The following SLC25A21 variants were observed in gnomAD, a reference collection of about 807,000 sequenced individuals.
The protein encoded by SLC25A21 is mitochondrial 2-oxodicarboxylate carrier.
A neutral mutation model predicts 43.8 loss-of-function variants in SLC25A21; 47 were observed. That is an observed-to-expected ratio of 1.07 (90% CI 0.85 to 1.37). SLC25A21 has a LOEUF of 1.37. Among genes scored for constraint, SLC25A21 ranks in the 40% most tolerant of loss-of-function variants. The pLI, the probability that SLC25A21 is intolerant of heterozygous loss-of-function variation, is 0.00. For missense variants in SLC25A21, 352 were observed against 350.2 expected (o/e 1.00, Z -0.04); for synonymous variants, 131 against 121.3 (o/e 1.08, Z -0.52).
intron 1 of SLC25A21, among the ~76,000 whole-genome samples, chr14:36,876,048 G>C (rs775284904): frequency 3.7e-4 from 57 of 152,258 alleles, no homozygotes; most frequent in Non-Finnish European, 6.2e-4. Context: ...TTTAAGATAA[G>C]AAAACTGAGG....
intron 3 of SLC25A21, among the ~76,000 whole-genome samples, chr14:36,770,197 A>G (rs1056561245): frequency 1.3e-5 from 2 of 152,212 alleles, no homozygotes; most frequent in African/African-American, 4.8e-5. Flanking sequence ...CCATAAAAAG[A>G]GCAAAATCAT....
chr14:36,969,477 C>T (rs1405432583), intron 1 of SLC25A21, among the ~76,000 whole-genome samples: 1 of 152,058 alleles, frequency 6.6e-6, no homozygotes, highest in East Asian at 1.9e-4. Context: ...CTCCTAGAAA[C>T]TCGGTTTTCA....
chr14:37,063,870 A>C (rs1962003925), intron 1 of SLC25A21, among the ~76,000 whole-genome samples: 1 of 152,194 alleles, frequency 6.6e-6, no homozygotes. Context: ...TTAGGCAGTA[A>C]ACCGAAATGC....
intron 2 of SLC25A21, among the ~76,000 whole-genome samples, chr14:36,849,665 C>A (rs1889661385): frequency 6.6e-6 from 1 of 152,114 alleles, no homozygotes; most frequent in Non-Finnish European, 1.5e-5. Flanking sequence ...GATAGAAATG[C>A]CATTTCTAAA....
At chr14:37,067,720 CAG>C (rs1390565997) in intron 1 of SLC25A21, among the ~76,000 whole-genome samples, 1 of 152,148 alleles carries the variant, frequency 6.6e-6, no homozygotes, top group Middle Eastern at 3.2e-3. Context: ...ATTGGTGAAG[CAG>C]AGAGTTAGTC....
chr14:36,749,779 C>A (rs1035318006), intron 3 of SLC25A21, among the ~76,000 whole-genome samples: 5 of 152,190 alleles, frequency 3.3e-5, no homozygotes, highest in Non-Finnish European at 7.3e-5. Flanking sequence ...CTGTTCACCT[C>A]CTTCACATCT....
At chr14:36,791,840 T>G (rs1164639905) in intron 3 of SLC25A21, among the ~76,000 whole-genome samples, 2 of 152,152 alleles carry the variant, frequency 1.3e-5, no homozygotes, top group African/African-American at 4.8e-5. Context: ...GGGATGATCC[T>G]TACCTTTGGT....
rs536908457 is a variant in SLC25A21, at chr14:36,695,710, T to C, written c.604-10785A>G. ...AGTTCTCTCATGATTTGGCTCTCTG[T>C]CTGTTAATGGAGTATAGGAATGCTT... is the stretch of plus-strand genomic sequence containing the variant. On this transcript the variant is annotated intron_variant, in intron 7 of 9. Coordinates refer to ENST00000331299, the MANE Select transcript of SLC25A21 (RefSeq NM_030631.4). Among the ~76,000 whole-genome samples the C allele has an allele frequency of 1.2e-4, 18 of 152,306 alleles. No individual in the cohort carries two copies. The South Asian group carries it at 3.7e-3, about 32-fold the overall frequency.
intron 1 of SLC25A21, among the ~76,000 whole-genome samples, chr14:37,079,453 GT>G (rs1258521066): frequency 4.6e-5 from 7 of 151,956 alleles, no homozygotes; most frequent in Admixed American, 4.6e-4. Context: ...AAATAACCAA[GT>G]TCTGTCAATC....
In SLC25A21 at chr14:37,040,371, GAGAGAAAGAA is replaced by G. The variant is rs1309588163; in HGVS notation, c.70+131900_70+131909del. Among the ~76,000 whole-genome samples the G allele has an allele frequency of 1.4e-3, 57 of 40,144 alleles. 10 individuals carry two copies. The highest frequency in any genetic ancestry group is 4.9e-3 in the African/African-American group (12 of 2,462). The allele number at this position is 40,144 out of a possible 152,430, so 26.3% of individuals were successfully genotyped here. ...AAGGAAGGAAAGAAAGAGAGAGAGA[GAGAGAAAGAA>G]AGAAAGAAAGAAAGAAAGAAAGAAA... On this transcript the variant is annotated intron_variant, in intron 1 of 9. Coordinates refer to ENST00000331299, the MANE Select transcript of SLC25A21 (RefSeq NM_030631.4).
At chr14:36,906,522 T>C (rs1324812309) in intron 1 of SLC25A21, among the ~76,000 whole-genome samples, 2 of 151,846 alleles carry the variant, frequency 1.3e-5, no homozygotes, top group African/African-American at 4.8e-5. Context: ...CTTTTTTTTT[T>C]TTTAGATGGA....
intron 1 of SLC25A21, among the ~76,000 whole-genome samples, chr14:37,165,772 G>A (rs905463879): frequency 3.3e-5 from 5 of 152,174 alleles, no homozygotes; most frequent in African/African-American, 4.8e-5. Flanking sequence ...ATGACCATCT[G>A]AGTGGGCCTG....
chr14:36,686,338 A>G (rs79861322), intron 7 of SLC25A21, among the ~76,000 whole-genome samples: 1,524 of 152,266 alleles, frequency 0.01, 21 homozygotes, highest in African/African-American at 0.031. Flanking sequence ...TGTTTAAATA[A>G]TTCCCTCTCC....
chr14:36,962,344 CTTT>C (rs1959513482), intron 1 of SLC25A21, among the ~76,000 whole-genome samples: 2 of 152,120 alleles, frequency 1.3e-5, no homozygotes, highest in African/African-American at 4.8e-5. Context: ...GCACCTACTT[CTTT>C]AACAAAAATC....
intron 3 of SLC25A21, among the ~76,000 whole-genome samples, chr14:36,795,611 C>T (rs1887643987): frequency 6.6e-6 from 1 of 152,170 alleles, no homozygotes; most frequent in African/African-American, 2.4e-5. Flanking sequence ...AAGCCCAAGG[C>T]TGAGAAAGGG....
At chr14:37,031,677 A>C (rs965808395) in intron 1 of SLC25A21, among the ~76,000 whole-genome samples, 21 of 152,202 alleles carry the variant, frequency 1.4e-4, no homozygotes, top group African/African-American at 5.1e-4. Flanking sequence ...TTAACCTATC[A>C]GAATCTTTTG....
At chr14:37,172,040 G>A in intron 1 of SLC25A21, 2 of 546,314 alleles carry the variant, frequency 3.7e-6, no homozygotes, top group Non-Finnish European at 6.5e-6. Context: ...GACAATGCCG[G>A]GAACCCGAGA....
intron 1 of SLC25A21, among the ~76,000 whole-genome samples, chr14:37,073,487 A>G (rs965729031): frequency 3.9e-5 from 6 of 152,182 alleles, no homozygotes; most frequent in Non-Finnish European, 1.5e-5. Flanking sequence ...AGCTGGGATT[A>G]CAGGCATGAG....
At chr14:37,119,793 T>C (rs1963173739) in intron 1 of SLC25A21, among the ~76,000 whole-genome samples, 1 of 152,178 alleles carries the variant, frequency 6.6e-6, no homozygotes, top group East Asian at 1.9e-4. Flanking sequence ...TTCAGCTCTA[T>C]TAAAATGAAA....
Sources: gnomAD v4.1 joint callset for allele counts (sites outside exome capture counted in the v4.1 genomes callset) on GRCh38, gnomAD v4.1.1 for gene constraint, MANE v1.5 for transcripts, NCBI Gene and HGNC (gene_info 2026-07-23, HGNC 2026-07-21) for gene names.